The following AGGF1 variants were observed in gnomAD, a reference collection of about 807,000 sequenced individuals.
The protein encoded by AGGF1 is angiogenic factor with G-patch and FHA domains 1.
A neutral mutation model predicts 86.5 loss-of-function variants in AGGF1; 56 were observed. The ratio of observed to expected loss-of-function variants is 0.65; its 90% CI spans 0.52 to 0.81. The LOEUF is 0.81. AGGF1 is among the 30% of genes least tolerant of loss of function. AGGF1 has a pLI of 0.00. For synonymous variants in AGGF1, 313 were observed against 297.1 expected, an observed-to-expected ratio of 1.05 and a Z score of -0.55; for missense variants, 816 against 850.9, an observed-to-expected ratio of 0.96 and a Z score of 0.51.
chr5:77,046,572 A>C lies in AGGF1; in HGVS notation c.1096A>C (p.Ser366Arg). The C allele has an allele frequency of 6.2e-7, 1 of 1,613,874 alleles. No homozygotes were observed. The highest frequency in any genetic ancestry group is 2.2e-5 in the East Asian group (1 of 44,868). The part of the protein sequence containing the change: ...FKDEKIMETD[S>R]EPEEGEITDS... ...AGATGAGAAAATCATGGAGACTGAT[A>C]GTGAACCAGAGGAAGGTGAAATTAC... is the stretch of plus-strand genomic sequence containing the variant. The change falls in exon 6 of 14, where the codon AGT (serine) becomes CGT (arginine). Residue 366 changes from serine to arginine, a missense_variant. This residue lies in a region of AGGF1 where 565 missense variants were observed against 585.8 expected (regional missense o/e 0.96). Transcript: ENST00000312916.
chr5:77,060,031 G>A (rs1405262247), intron 12 of AGGF1, among the ~76,000 whole-genome samples: 6 of 152,212 alleles, frequency 3.9e-5, no homozygotes, highest in South Asian at 2.1e-4. Flanking sequence ...TAGTAGAGAC[G>A]GGGTTTCACA....
chr5:77,064,219 G>T lies in AGGF1; in HGVS notation c.*967G>T, dbSNP rs994803665. The T allele has an allele frequency of 6.6e-6, 1 of 152,662 alleles. No homozygotes were observed. The allele number at this position is 152,662 out of a possible 1,614,324, so 9.5% of individuals were successfully genotyped here. ...GGAGAGCCTCAAATATTAGACAATT[G>T]CAGTGCGGCTTTCTGGGCACAGGTG... On this transcript the variant is annotated 3_prime_UTR_variant, in exon 14 of 14. Coordinates refer to ENST00000312916, the MANE Select transcript of AGGF1 (RefSeq NM_018046.5).
At chr5:77,054,154 G>A (rs1038873995) in intron 10 of AGGF1, 24 bp downstream of exon 10, 2 of 1,613,420 alleles carry the variant, frequency 1.2e-6, no homozygotes, top group Non-Finnish European at 1.7e-6. Context: ...ATTAAATGTG[G>A]CTGTGATAAC....
intron 10 of AGGF1, 30 bp from the exon 11 acceptor site, chr5:77,055,483 CT>C (rs780774066): frequency 3.4e-5 from 50 of 1,454,466 alleles, no homozygotes; most frequent in South Asian, 5.8e-5. Context: ...GATTTAGTGG[CT>C]TTTTTTTAAC....
chr5:77,043,332 G>A (rs1259437832), intron 5 of AGGF1, among the ~76,000 whole-genome samples: 5 of 29,022 alleles, frequency 1.7e-4, no homozygotes, highest in Non-Finnish European at 7.1e-5. Context: ...CCTCCCTCCC[G>A]GACAGGGCGG....
chr5:77,061,624 C>G, intron 12 of AGGF1, 79 bp from the exon 13 acceptor site: 1 of 1,424,332 alleles, frequency 7.0e-7, no homozygotes, highest in Non-Finnish European at 9.8e-7. Context: ...GTACCAATTA[C>G]TTTTAATTCA....
chr5:77,053,255 ACG>A (rs1441878718), intron 9 of AGGF1, among the ~76,000 whole-genome samples: 1 of 152,198 alleles, frequency 6.6e-6, no homozygotes, highest in Non-Finnish European at 1.5e-5. Flanking sequence ...GTTGGTTCTG[ACG>A]CCTGTAATCC....
At position 77,063,199 on chromosome 5, in the gene AGGF1, C is replaced by T; in HGVS notation, c.2092C>T (p.Pro698Ser). ...RFTENFPETK[P>S]QKDDPGTMPW... ...TACTGAAAACTTCCCAGAAACTAAGCCTCAAAAAGATGACCCAGGGACCAT... is the reference window on the plus strand; with the variant it reads ...TACTGAAAACTTCCCAGAAACTAAGTCTCAAAAAGATGACCCAGGGACCAT... Residue 698 changes from proline to serine, a missense_variant, in exon 14 of 14, where the codon CCT becomes TCT. Pro to Ser is a moderately conservative substitution (Grantham distance 74). Coordinates refer to ENST00000312916, the MANE Select transcript of AGGF1 (RefSeq NM_018046.5). 1 of 1,613,700 alleles carries T rather than the reference C, an allele frequency of 6.2e-7. No individual in the cohort carries two copies. Among genetic ancestry groups the T allele is most frequent in the Non-Finnish European group, 8.5e-7 (1 of 1,179,892 alleles).
chr5:77,041,785 T>A (rs184987807), intron 5 of AGGF1, among the ~76,000 whole-genome samples: 2,009 of 113,026 alleles, frequency 0.018, 58 homozygotes, highest in Admixed American at 0.03. Context: ...CAAGAACTTT[T>A]TTTATTTATT....
At chr5:77,048,016 A>T in intron 6 of AGGF1, 145 bp from the exon 7 acceptor site, 2 of 676,314 alleles carry the variant, frequency 3.0e-6, no homozygotes, top group Non-Finnish European at 5.3e-6. Flanking sequence ...TGCGTATTAT[A>T]CAGCAGAATT....
intron 5 of AGGF1, among the ~76,000 whole-genome samples, chr5:77,042,765 AC>A (rs1178794125): frequency 1.2e-4 from 2 of 17,254 alleles, no homozygotes; most frequent in African/African-American, 3.1e-4. Context: ...AGGGGGGCTG[AC>A]CCCCCCCACC....
At chr5:77,032,557 C>G (rs1207950589) in intron 1 of AGGF1, among the ~76,000 whole-genome samples, 4 of 113,856 alleles carry the variant, frequency 3.5e-5, no homozygotes, top group African/African-American at 1.3e-4. Flanking sequence ...AAGCAAGACT[C>G]CGTCTCAAAA....
At chr5:77,056,035 A>G (rs1747451194) in intron 11 of AGGF1, among the ~76,000 whole-genome samples, 1 of 152,172 alleles carries the variant, frequency 6.6e-6, no homozygotes, top group Non-Finnish European at 1.5e-5. Context: ...ATTGAACAAC[A>G]TAGTTGGAGA....
intron 5 of AGGF1, among the ~76,000 whole-genome samples, chr5:77,041,833 T>G (rs1747092893): frequency 6.7e-6 from 1 of 148,218 alleles, no homozygotes; most frequent in Admixed American, 6.7e-5. Flanking sequence ...TATTTTTTTA[T>G]TGATAATTCT....
chr5:77,048,145 C>G lies in AGGF1; in HGVS notation c.1202-16C>G. On this transcript the variant is annotated splice_polypyrimidine_tract_variant and intron_variant, in intron 6 of 13. Transcript: ENST00000312916. ...TAGTAGTTAAATTAATATTTACTCA[C>G]TTCTTTCCTTGGCAGATGAAGACAA... 6.7e-7 allele frequency: 1 copy of G among 1,491,864 alleles called. No homozygotes were observed. The highest frequency in any genetic ancestry group is 1.1e-5 in the South Asian group (1 of 88,426). The allele number at this position is 1,491,864 out of a possible 1,614,324, so 92.4% of individuals were successfully genotyped here.
chr5:77,043,799 C>T (rs1449999394), intron 5 of AGGF1, among the ~76,000 whole-genome samples: 2 of 118,702 alleles, frequency 1.7e-5, no homozygotes, highest in African/African-American at 3.0e-5. Flanking sequence ...AGCTGCCGGG[C>T]GGAGGGGCTC....
chr5:77,042,535 A>T (rs1747121280), intron 5 of AGGF1, among the ~76,000 whole-genome samples: 1 of 71,214 alleles, frequency 1.4e-5, no homozygotes, highest in Non-Finnish European at 3.2e-5. Flanking sequence ...CTGGCCGGGC[A>T]GAGGCGCCCC....
At chr5:77,045,374 G>A (rs1023489951) in intron 5 of AGGF1, among the ~76,000 whole-genome samples, 3 of 152,088 alleles carry the variant, frequency 2.0e-5, no homozygotes, top group African/African-American at 7.3e-5. Context: ...ATGTTAATTA[G>A]CTCAATTTAA....
intron 1 of AGGF1, among the ~76,000 whole-genome samples, chr5:77,033,433 A>G (rs1048538215): frequency 2.0e-5 from 3 of 152,222 alleles, no homozygotes; most frequent in Admixed American, 6.5e-5. Context: ...AGTAGATACT[A>G]AGTAATCTAA....
Sources: allele counts gnomAD v4.1 joint callset (sites outside exome capture counted in the v4.1 genomes callset), GRCh38; gene constraint gnomAD v4.1.1; regional missense constraint gnomAD v4.1.1; transcripts MANE v1.5; gene names NCBI Gene and HGNC (gene_info 2026-07-23, HGNC 2026-07-21).